MCM2: variants seen among roughly 807,000 people sequenced by gnomAD.
MCM2 encodes the protein DNA replication licensing factor MCM2.
Under a neutral mutation model 86.4 loss-of-function variants are expected in MCM2, and 49 were observed. That is an observed-to-expected ratio of 0.57 (90% CI 0.45 to 0.72). MCM2 has a LOEUF of 0.72. Among genes scored for constraint, MCM2 ranks in the 30% least tolerant of loss-of-function variants. MCM2 has a pLI of 0.00. For synonymous variants in MCM2, 475 were observed against 484.6 expected (o/e 0.98, Z 0.26); for missense variants, 1,038 against 1,259.9 (o/e 0.82, Z 2.67).
intron 8 of MCM2, among the ~76,000 whole-genome samples, chr3:127,611,908 C>G (rs2074401359): frequency 6.9e-6 from 1 of 144,326 alleles, no homozygotes; most frequent in Non-Finnish European, 1.5e-5. Context: ...ACCGTTTTAG[C>G]CGGGATGGTC....
chr3:127,599,822 A>G (rs941398207), intron 2 of MCM2, among the ~76,000 whole-genome samples: 1 of 152,232 alleles, frequency 6.6e-6, no homozygotes, highest in African/African-American at 2.4e-5. Context: ...TCTAATCTGG[A>G]ATACTCCAAC....
chr3:127,599,276 A>G (rs989060196), intron 1 of MCM2, 42 bp from the exon 2 acceptor site: 2 of 1,556,918 alleles, frequency 1.3e-6, no homozygotes, highest in Middle Eastern at 1.7e-4. Flanking sequence ...ATCATGCCTC[A>G]CCAGCTTCCT....
At chr3:127,610,217 TCTG>T (rs1001342356) in intron 8 of MCM2, among the ~76,000 whole-genome samples, 17 of 152,232 alleles carry the variant, frequency 1.1e-4, no homozygotes, top group African/African-American at 4.1e-4. Flanking sequence ...TCTTCTGCCC[TCTG>T]GCAAGATAAA....
intron 9 of MCM2, among the ~76,000 whole-genome samples, chr3:127,616,619 A>G (rs1268529630): frequency 6.6e-6 from 1 of 152,240 alleles, no homozygotes; most frequent in Non-Finnish European, 1.5e-5. Context: ...TTTGGAGAAC[A>G]CTTAGATTGT....
In MCM2 at chr3:127,621,838, T is replaced by C; in HGVS notation, c.*65T>C. The C allele has an allele frequency of 8.1e-7, 1 of 1,229,990 alleles. No individual in the cohort carries two copies. Among genetic ancestry groups the C allele is most frequent in the Non-Finnish European group, 1.2e-6 (1 of 848,568 alleles). The allele number at this position is 1,229,990 out of a possible 1,614,324, so 76.2% of individuals were successfully genotyped here. ...TTGGGGTGGTCAGTGCCCTCTGTGC[T>C]TTATGGACACAAAACCAGAGCACTT... On this transcript the variant is annotated 3_prime_UTR_variant, in exon 16 of 16. Transcript: ENST00000265056.
chr3:127,616,388 T>C (rs1321249967), intron 9 of MCM2, among the ~76,000 whole-genome samples: 1 of 152,198 alleles, frequency 6.6e-6, no homozygotes, highest in Admixed American at 6.5e-5. Context: ...CCATTTACAA[T>C]TACACAGCAA....
intron 13 of MCM2, among the ~76,000 whole-genome samples, chr3:127,620,448 C>T (rs1170575261): frequency 6.6e-6 from 1 of 152,198 alleles, no homozygotes; most frequent in Non-Finnish European, 1.5e-5. Context: ...CAGAAGTCAG[C>T]TGGTGGGAGC....
At chr3:127,600,259 C>T (rs909705077) in intron 2 of MCM2, among the ~76,000 whole-genome samples, 4 of 152,086 alleles carry the variant, frequency 2.6e-5, no homozygotes, top group South Asian at 2.1e-4. Flanking sequence ...CCAGCCTGGG[C>T]GAAAAGAGTG....
chr3:127,616,938 G>T lies in MCM2; in HGVS notation c.1593G>T (p.Gln531His). ...LCGDPGTAKS[Q>H]FLKYIEKVSS... ...GAGACCCTGGCACAGCGAAGTCGCA[G>T]TTTCTCAAGTATATTGAGAAAGTGT... The change falls in exon 10 of 16, where the codon CAG (glutamine) becomes CAT (histidine). Residue 531 changes from glutamine to histidine, a missense_variant. Gln to His is a conservative substitution (Grantham distance 24). Around this residue, in one of 4 missense-constraint regions of MCM2, gnomAD observed 399 missense variants for 507.2 expected, o/e 0.79. Coordinates refer to ENST00000265056, the MANE Select transcript of MCM2 (RefSeq NM_004526.4). 5.6e-6 allele frequency: 9 copies of T among 1,614,192 alleles called. No individual in the cohort carries two copies. The highest frequency in any genetic ancestry group is 7.6e-6 in the Non-Finnish European group (9 of 1,180,044).
chr3:127,604,976 G>C lies in MCM2; in HGVS notation c.493G>C (p.Glu165Gln), dbSNP rs566433714. Reference sequence around the variant, plus strand: ...GGCCACGGAGGACGGCGAGGAGGACGAGGAGATGATCGAGAGCATCGAGAA... The same window carrying C: ...GGCCACGGAGGACGGCGAGGAGGACCAGGAGATGATCGAGAGCATCGAGAA... ...ERATEDGEED[E>Q]EMIESIENLE... Residue 165 changes from glutamate (E) to glutamine (Q), a missense_variant, in exon 4 of 16, where the codon GAG becomes CAG. Coordinates refer to ENST00000265056, the MANE Select transcript of MCM2 (RefSeq NM_004526.4). 3.1e-6 allele frequency: 5 copies of C among 1,613,830 alleles called. No homozygotes were observed. The highest frequency in any genetic ancestry group is 4.2e-6 in the Non-Finnish European group (5 of 1,179,860).
rs1296462150 is a variant in MCM2, at chr3:127,619,386, G to A, written c.2265+108G>A. ...TGGTCAGTCAGGCCAAAAGGTGCCA[G>A]AGCAGGGAGGCATTAAAAAAAAAAT... On this transcript the variant is annotated intron_variant, in intron 13 of 15. Coordinates refer to ENST00000265056, the MANE Select transcript of MCM2 (RefSeq NM_004526.4). 3.6e-6 allele frequency: 5 copies of A among 1,394,294 alleles called. No homozygotes were observed. The African/African-American group carries it at 7.2e-5, about 20-fold the overall frequency. The allele number at this position is 1,394,294 out of a possible 1,614,324, so 86.4% of individuals were successfully genotyped here. A position where few individuals can be genotyped will look rare whatever the true frequency, so the allele number is the denominator to read the frequency against.
In MCM2 at chr3:127,617,247, C is replaced by T; in HGVS notation, c.1774-32C>T. 1 of 1,613,384 alleles carries T rather than the reference C, an allele frequency of 6.2e-7. No homozygotes were observed. Among genetic ancestry groups the T allele is most frequent in the Non-Finnish European group, 8.5e-7 (1 of 1,179,506 alleles). On this transcript the variant is annotated intron_variant, in intron 10 of 15. Transcript: ENST00000265056. This position sits in a 1 kb window ranked among gnomAD's most constrained non-coding sequence, Gnocchi z 4.1. ...GAGACTTAGTAGTAGGGGCGTGAAC[C>T]ATGCTAAGGGTGGGCCATTTTAATC...
At chr3:127,600,368 C>G (rs2074299115) in intron 2 of MCM2, among the ~76,000 whole-genome samples, 1 of 152,204 alleles carries the variant, frequency 6.6e-6, no homozygotes, top group Admixed American at 6.5e-5. Flanking sequence ...GATTTCTACC[C>G]CTGCCTTACT....
chr3:127,599,063 G>T, intron 1 of MCM2: 1 of 559,590 alleles, frequency 1.8e-6, no homozygotes, highest in South Asian at 2.2e-5. Flanking sequence ...GAGAAAGCAC[G>T]GTGATGTGGG....
chr3:127,621,756 A>C lies in MCM2; in HGVS notation c.2698A>C (p.Ile900Leu). The C allele has an allele frequency of 6.2e-7, 1 of 1,613,830 alleles. No individual in the cohort carries two copies. Among genetic ancestry groups the C allele is most frequent in the Non-Finnish European group, 8.5e-7 (1 of 1,179,800 alleles). Residue 900 changes from isoleucine (I) to leucine (L), a missense_variant, in exon 16 of 16, where the codon ATC becomes CTC. Ile to Leu is a conservative substitution (Grantham distance 5, BLOSUM62 2). Transcript: ENST00000265056. ...KFSHDLKRKM[I>L]LQQF ...CAGCCACGACCTGAAAAGGAAAATGATCCTGCAGCAGTTCTGAGGCCCTAT... is the reference window on the plus strand; with the variant it reads ...CAGCCACGACCTGAAAAGGAAAATGCTCCTGCAGCAGTTCTGAGGCCCTAT...
In MCM2 at chr3:127,617,800, C is replaced by T. The variant is rs1298389476; in HGVS notation, c.1901-169C>T. On this transcript the variant is annotated intron_variant, in intron 11 of 15. Coordinates refer to ENST00000265056, the MANE Select transcript of MCM2 (RefSeq NM_004526.4). The surrounding 1 kb of genome is among the most constrained non-coding windows in gnomAD (Gnocchi z 4.1). ...TCTGTCTAAATTAGGCTATTTTGGGCCCTGGTTAGGGTAAGCTCTTTGCTG... is the reference window on the plus strand; with the variant it reads ...TCTGTCTAAATTAGGCTATTTTGGGTCCTGGTTAGGGTAAGCTCTTTGCTG... The T allele has an allele frequency of 1.6e-6, 1 of 612,426 alleles. No individual in the cohort carries two copies. Among genetic ancestry groups the T allele is most frequent in the South Asian group, 1.9e-5 (1 of 52,006 alleles). 37.9% of individuals were successfully genotyped at this position (612,426 alleles called of 1,614,324 possible).
At chr3:127,604,303 G>A (rs2074328709) in intron 2 of MCM2, 1 of 335,582 alleles carries the variant, frequency 3.0e-6, no homozygotes, top group Admixed American at 4.3e-5. Context: ...GAACCATATA[G>A]GATTTGTCCT....
rs537736220 is a variant in MCM2, at chr3:127,609,641, T to C, written c.1428+618T>C. Among the ~76,000 whole-genome samples, 28 of 152,066 alleles carry C rather than the reference T, an allele frequency of 1.8e-4. No individual in the cohort carries two copies. The South Asian group carries it at 2.3e-3, about 12-fold the overall frequency. ...AGTTGGTTTTTAGTATAGACATCCT[T>C]ACTGAAGGATGAGGAGATGGGGATT... On this transcript the variant is annotated intron_variant, in intron 8 of 15. Coordinates refer to ENST00000265056, the MANE Select transcript of MCM2 (RefSeq NM_004526.4).
intron 2 of MCM2, chr3:127,604,371 C>A: frequency 2.0e-6 from 1 of 495,356 alleles, no homozygotes; most frequent in Non-Finnish European, 3.6e-6. Context: ...CATGTGCCAG[C>A]ACGTGGCAGA....
Sources: gnomAD v4.1 joint callset for allele counts (sites outside exome capture counted in the v4.1 genomes callset) on GRCh38, gnomAD v4.1.1 for gene constraint, gnomAD v4.1.1 regional missense constraint, Gnocchi (gnomAD v3.1) non-coding constraint, MANE v1.5 for transcripts, NCBI Gene and HGNC (gene_info 2026-07-23, HGNC 2026-07-21) for gene names.